ENAH: variants seen among roughly 807,000 people sequenced by gnomAD.
ENAH encodes ENAH actin regulator.
ENAH carries 23 observed loss-of-function variants against 78.7 expected under a neutral mutation model. That is an observed-to-expected ratio of 0.29 (90% CI 0.21 to 0.41). The LOEUF (loss-of-function observed/expected upper bound fraction) is 0.41. Among genes scored for constraint, ENAH ranks in the 10% least tolerant of loss-of-function variants. The pLI, the probability that ENAH is intolerant of heterozygous loss-of-function variation, is 1.00. For synonymous variants in ENAH, 226 were observed against 241.0 expected, an observed-to-expected ratio of 0.94 and a Z score of 0.58; for missense variants, 544 against 691.0, an observed-to-expected ratio of 0.79 and a Z score of 2.39.
chr1:225,520,769 T>C (rs955374386), intron 4 of ENAH, among the ~76,000 whole-genome samples: 8 of 152,020 alleles, frequency 5.3e-5, no homozygotes, highest in Admixed American at 1.3e-4. Context: ...GGGAGAAGGA[T>C]TGCTTGGGCC....
chr1:225,501,557 G>A lies in ENAH; in HGVS notation c.1539-487C>T, dbSNP rs114529138. ...AATCAGCTTACAAAGCTGATGCCTT[G>A]GATTGCAGGAAGAAAACATTTTTAG... On this transcript the variant is annotated intron_variant, in intron 11 of 13. Transcript: ENST00000366843. Among the ~76,000 whole-genome samples, 478 of 152,206 alleles carry A rather than the reference G, an allele frequency of 3.1e-3. 1 individual carries two copies. The highest frequency in any genetic ancestry group is 0.011 in the African/African-American group (469 of 41,532).
At position 225,493,556 on chromosome 1, in the gene ENAH, A is replaced by G. The variant is rs1372322512; in HGVS notation, c.*4219T>C. 6.6e-6 allele frequency: 1 copy of G among 152,216 alleles called. No individual in the cohort carries two copies. Among genetic ancestry groups the G allele is most frequent in the Non-Finnish European group, 1.5e-5 (1 of 68,020 alleles). The allele number at this position is 152,216 out of a possible 1,614,324, so 9.4% of individuals were successfully genotyped here. On this transcript the variant is annotated 3_prime_UTR_variant, in exon 14 of 14. Coordinates refer to ENST00000366843, the MANE Select transcript of ENAH (RefSeq NM_018212.6). ...CTTTTCTCATTCCTTAGAGCTTTGG[A>G]GAGATGTACAGATATGAACTCATCT...
chr1:225,602,051 G>C (rs1434066766), intron 1 of ENAH, among the ~76,000 whole-genome samples: 3 of 151,962 alleles, frequency 2.0e-5, no homozygotes, highest in Admixed American at 2.0e-4. Flanking sequence ...CTGTTTCTTG[G>C]TAAATATTAA....
intron 2 of ENAH, among the ~76,000 whole-genome samples, chr1:225,562,906 A>C (rs1407171823): frequency 6.6e-6 from 1 of 151,334 alleles, no homozygotes; most frequent in East Asian, 2.0e-4. Flanking sequence ...CCAGGAGGTC[A>C]AGGCTGCAGT....
At chr1:225,645,168 T>A (rs1661722297) in intron 1 of ENAH, among the ~76,000 whole-genome samples, 11 of 152,216 alleles carry the variant, frequency 7.2e-5, no homozygotes, top group Admixed American at 7.2e-4. Context: ...AAGATGTCAA[T>A]TCAAAATATT....
chr1:225,622,135 T>C (rs1329521715), intron 1 of ENAH, among the ~76,000 whole-genome samples: 1 of 152,220 alleles, frequency 6.6e-6, no homozygotes, highest in Non-Finnish European at 1.5e-5. Context: ...GTTATGTTCA[T>C]TGAAAAAGAA....
chr1:225,588,573 G>A (rs1358765498), intron 1 of ENAH, among the ~76,000 whole-genome samples: 1 of 152,180 alleles, frequency 6.6e-6, no homozygotes, highest in Non-Finnish European at 1.5e-5. Flanking sequence ...ACTTTGGGAG[G>A]CCAAGGTGGA....
chr1:225,554,947 G>A lies in ENAH; in HGVS notation c.308C>T (p.Ala103Val). The A allele has an allele frequency of 6.2e-7, 1 of 1,601,902 alleles. No individual in the cohort carries two copies. The highest frequency in any genetic ancestry group is 8.5e-7 in the Non-Finnish European group (1 of 1,170,438). The change falls in exon 3 of 14, where the codon GCC (alanine) becomes GTC (valine). Residue 103 changes from alanine to valine, a missense_variant. By Grantham distance (64) the Ala-to-Val change is moderately conservative (BLOSUM62 0). This residue lies in a region of ENAH where 77 missense variants were observed against 151.8 expected (regional missense o/e 0.51). Coordinates refer to ENST00000366843, the MANE Select transcript of ENAH (RefSeq NM_018212.6). ...SKEDANVFAS[A>V]MMHALEVLNS... ...TAACACTTCTAAGGCATGCATCATG[G>A]CACTTGCGAAGACATTGGCATCCTC...
At position 225,526,286 on chromosome 1, in the gene ENAH, A is replaced by C. The variant is rs149726599; in HGVS notation, c.434+4268T>G. ...GTTTTAGGACTATTTTCAGAGAATA[A>C]ATTCCTCAACCTTAGTTCTCAAAAC... On this transcript the variant is annotated intron_variant, in intron 4 of 13. Transcript: ENST00000366843. Among the ~76,000 whole-genome samples the C allele has an allele frequency of 6.6e-5, 10 of 151,464 alleles. No individual in the cohort carries two copies. The East Asian group carries it at 1.7e-3, about 26-fold the overall frequency.
chr1:225,514,740 A>C lies in ENAH; in HGVS notation c.1074T>G (p.Asn358Lys), dbSNP rs776439628. The C allele has an allele frequency of 1.6e-6, 1 of 615,710 alleles. No individual in the cohort carries two copies. 38.1% of individuals were successfully genotyped at this position (615,710 alleles called of 1,614,324 possible). A position where few individuals can be genotyped will look rare whatever the true frequency, so the allele number is the denominator to read the frequency against. Residue 358 changes from asparagine (N) to lysine (K), a missense_variant, in exon 7 of 14, where the codon AAT (asparagine) becomes AAG (lysine). By Grantham distance (94) the Asn-to-Lys change is moderately conservative. This residue lies in a region of ENAH where 366 missense variants were observed against 396.1 expected (regional missense o/e 0.92). Transcript: ENST00000366843. ...PPPPPPPPLP[N>K]QVPPPPPPPP... Reference sequence around the variant, plus strand: ...GTGGTGGAGGAGGAGGGGGTACTTGATTAGGGAGAGGAGGGGGAGGAGGGG... The same window carrying C: ...GTGGTGGAGGAGGAGGGGGTACTTGCTTAGGGAGAGGAGGGGGAGGAGGGG...
At chr1:225,646,179 AT>A (rs1661925247) in intron 1 of ENAH, among the ~76,000 whole-genome samples, 1 of 151,844 alleles carries the variant, frequency 6.6e-6, no homozygotes, top group South Asian at 2.1e-4. Context: ...AAAAAAAAAA[AT>A]GTAGTTATCT....
At chr1:225,650,381 A>T (rs922620202) in intron 1 of ENAH, among the ~76,000 whole-genome samples, 7 of 152,218 alleles carry the variant, frequency 4.6e-5, no homozygotes, top group African/African-American at 1.7e-4. Context: ...AAGAGCTTGA[A>T]AAACAGAAGT....
At chr1:225,518,525 AAACC>A (rs1388104486) in intron 5 of ENAH, among the ~76,000 whole-genome samples, 6 of 152,164 alleles carry the variant, frequency 3.9e-5, no homozygotes, top group Non-Finnish European at 5.9e-5. Context: ...TTAACTTAAT[AAACC>A]AACCAACCAA....
At position 225,648,938 on chromosome 1, in the gene ENAH, C is replaced by T. The variant is rs369720008; in HGVS notation, c.5+3748G>A. Among the ~76,000 whole-genome samples the T allele has an allele frequency of 2.9e-4, 44 of 152,136 alleles. 1 individual carries two copies. In the East Asian group the frequency reaches 5.4e-3, roughly 19 times the overall value. ...CAGAAGAAGGGAACAGCTTCCTCAC[C>T]TATAAAATAATAAAAATGTGGTCTT... On this transcript the variant is annotated intron_variant, in intron 1 of 13. Coordinates refer to ENST00000366843, the MANE Select transcript of ENAH (RefSeq NM_018212.6).
chr1:225,625,819 T>C (rs1657851085), intron 1 of ENAH, among the ~76,000 whole-genome samples: 1 of 152,358 alleles, frequency 6.6e-6, no homozygotes, highest in Admixed American at 6.5e-5. Flanking sequence ...CCTGGCCTCC[T>C]GTATTTTTTA....
At chr1:225,644,579 C>T (rs2148474499) in intron 1 of ENAH, among the ~76,000 whole-genome samples, 1 of 152,184 alleles carries the variant, frequency 6.6e-6, no homozygotes, top group Admixed American at 6.5e-5. Flanking sequence ...ATTTGGACTC[C>T]CTTGAGATTT....
At chr1:225,643,806 G>A (rs1317583063) in intron 1 of ENAH, among the ~76,000 whole-genome samples, 2 of 152,016 alleles carry the variant, frequency 1.3e-5, no homozygotes, top group African/African-American at 2.4e-5. Context: ...GTGTGGTGGC[G>A]CACATCTGTA....
chr1:225,573,915 C>T (rs1170837571), intron 1 of ENAH, among the ~76,000 whole-genome samples: 1 of 152,132 alleles, frequency 6.6e-6, no homozygotes, highest in Non-Finnish European at 1.5e-5. Context: ...CTATGTGCAG[C>T]ACAGAGCCTA....
intron 1 of ENAH, among the ~76,000 whole-genome samples, chr1:225,593,389 C>CTGTGTG (rs1222265738): frequency 0.016 from 327 of 20,038 alleles, 114 homozygotes; most frequent in African/African-American, 0.065. Context: ...CAGCCTGCCC[C>CTGTGTG]TGTGTGTGTG....
Sources: gnomAD v4.1 joint callset for allele counts (sites outside exome capture counted in the v4.1 genomes callset) on GRCh38, gnomAD v4.1.1 for gene constraint, gnomAD v4.1.1 regional missense constraint, MANE v1.5 for transcripts, NCBI Gene and HGNC (gene_info 2026-07-23, HGNC 2026-07-21) for gene names.